SEPTIN10: variants seen among roughly 807,000 people sequenced by gnomAD.
SEPTIN10 encodes septin-10.
A neutral mutation model predicts 54.8 loss-of-function variants in SEPTIN10; 66 were observed. The observed-to-expected ratio is 1.21, with a 90% CI of 0.99 to 1.48. The LOEUF (loss-of-function observed/expected upper bound fraction) is 1.48, where lower values mean the gene tolerates loss of function less well. Among genes scored for constraint, SEPTIN10 ranks in the 40% most tolerant of loss-of-function variants. The pLI, the probability that SEPTIN10 is intolerant of heterozygous loss-of-function variation, is 0.00. For missense variants in SEPTIN10, 620 were observed against 545.6 expected (o/e 1.14, Z -1.36); for synonymous variants, 161 against 181.0 (o/e 0.89, Z 0.89).
intron 1 of SEPTIN10, among the ~76,000 whole-genome samples, chr2:109,612,803 A>G (rs1337969383): frequency 1.3e-5 from 2 of 152,222 alleles, no homozygotes; most frequent in Non-Finnish European, 2.9e-5. Context: ...ATAGAATGAA[A>G]AGAGACCTGG....
intron 4 of SEPTIN10, among the ~76,000 whole-genome samples, chr2:109,580,491 A>G (rs957949345): frequency 2.0e-5 from 3 of 152,180 alleles, no homozygotes; most frequent in African/African-American, 7.2e-5. Context: ...ACCACAACAA[A>G]GCAAGCATGG....
At chr2:109,572,183 T>G (rs1012252924) in intron 5 of SEPTIN10, among the ~76,000 whole-genome samples, 22 of 152,220 alleles carry the variant, frequency 1.4e-4, no homozygotes, top group African/African-American at 5.1e-4. Context: ...TAGGCTGGAG[T>G]GCAGTGGTGT....
chr2:109,599,728 T>C (rs1696196711), intron 1 of SEPTIN10, among the ~76,000 whole-genome samples: 2 of 152,186 alleles, frequency 1.3e-5, no homozygotes, highest in Admixed American at 6.5e-5. Context: ...TTGATAGCAG[T>C]TCATATAAAA....
At chr2:109,567,208 G>A (rs200584310) in intron 6 of SEPTIN10, among the ~76,000 whole-genome samples, 3 of 152,278 alleles carry the variant, frequency 2.0e-5, no homozygotes, top group East Asian at 3.9e-4. Context: ...GATATGTTAA[G>A]TCTCAGGGAG....
intron 2 of SEPTIN10, 114 bp from the exon 3 acceptor site, chr2:109,585,952 C>T: frequency 1.5e-6 from 1 of 688,540 alleles, no homozygotes; most frequent in Non-Finnish European, 2.5e-6. Flanking sequence ...TTTTTATAAT[C>T]ATTATACCTC....
intron 8 of SEPTIN10, among the ~76,000 whole-genome samples, chr2:109,561,971 TCAAGGCCAGGAATTCCTGACCC>T (rs139725275): frequency 0.064 from 9,758 of 151,996 alleles, 742 homozygotes; most frequent in East Asian, 0.24. Context: ...CCCCAGGAAT[TCAAGGCCAGGAATTCCTGACCC>T]CAAGGCCAGG....
chr2:109,606,384 C>T (rs1271769557), intron 1 of SEPTIN10, among the ~76,000 whole-genome samples: 1 of 151,992 alleles, frequency 6.6e-6, no homozygotes, highest in Non-Finnish European at 1.5e-5. Context: ...CACTGCATTC[C>T]AGTCTGGCGA....
At chr2:109,545,484 C>G (rs750079650) in intron 10 of SEPTIN10, 107 of 1,536,038 alleles carry the variant, frequency 7.0e-5, no homozygotes, top group Non-Finnish European at 9.0e-5. Flanking sequence ...TTACGTCCAC[C>G]ATTGGTTTCA....
At chr2:109,593,739 T>C (rs1002691333) in intron 1 of SEPTIN10, among the ~76,000 whole-genome samples, 2 of 152,114 alleles carry the variant, frequency 1.3e-5, no homozygotes, top group African/African-American at 4.8e-5. Context: ...AGCCAAGAAG[T>C]CCCTCAAAAT....
In SEPTIN10 at chr2:109,543,200, T is replaced by C. The variant is rs1434642769; in HGVS notation, c.*1109A>G. On this transcript the variant is annotated 3_prime_UTR_variant, in exon 11 of 11. Coordinates refer to ENST00000397712, the MANE Select transcript of SEPTIN10 (RefSeq NM_144710.5). ...TTTAATATTCAGATGTTCATAGTTA[T>C]TTTCTTAAAAAGTATTTTTAATAAA... 6.6e-6 allele frequency: 1 copy of C among 152,630 alleles called. No individual in the cohort carries two copies. Among genetic ancestry groups the C allele is most frequent in the Non-Finnish European group, 1.5e-5 (1 of 68,024 alleles). 9.5% of individuals were successfully genotyped at this position (152,630 alleles called of 1,614,324 possible).
rs372334419 is a variant in SEPTIN10, at chr2:109,553,227, G to C, written c.1029-8C>G. On this transcript the variant is annotated splice_region_variant and splice_polypyrimidine_tract_variant and intron_variant, in intron 8 of 10. Transcript: ENST00000397712. ...TCATAGGTCTCTTGAACACTAAAAA[G>C]TTATTTGTGTTACTCTCCTGCTAAA... The C allele has an allele frequency of 4.3e-6, 7 of 1,612,926 alleles. No individual in the cohort carries two copies. The highest frequency in any genetic ancestry group is 5.9e-6 in the Non-Finnish European group (7 of 1,179,710).
At chr2:109,574,257 C>T (rs1191647891) in intron 5 of SEPTIN10, among the ~76,000 whole-genome samples, 6 of 151,032 alleles carry the variant, frequency 4.0e-5, no homozygotes, top group African/African-American at 1.5e-4. Context: ...GGGCAACATA[C>T]CAAGACATCC....
intron 9 of SEPTIN10, among the ~76,000 whole-genome samples, chr2:109,548,774 T>G (rs1198913647): frequency 5.6e-5 from 1 of 17,932 alleles, no homozygotes; most frequent in Non-Finnish European, 1.3e-4. Context: ...AGGCTCCATC[T>G]CAAAAAAAAA....
chr2:109,569,632 T>C (rs1334007587), intron 5 of SEPTIN10, among the ~76,000 whole-genome samples: 2 of 152,166 alleles, frequency 1.3e-5, no homozygotes, highest in East Asian at 3.8e-4. Flanking sequence ...ACTTTCCTGT[T>C]AAATTAGTCA....
chr2:109,598,098 C>A (rs1403827292), intron 1 of SEPTIN10, among the ~76,000 whole-genome samples: 1 of 151,970 alleles, frequency 6.6e-6, no homozygotes, highest in Non-Finnish European at 1.5e-5. Flanking sequence ...GTCTTGCTCT[C>A]GTTGCCCAGG....
intron 4 of SEPTIN10, among the ~76,000 whole-genome samples, chr2:109,584,364 AC>A (rs1691945018): frequency 6.6e-6 from 1 of 150,548 alleles, no homozygotes. Context: ...AATCCTAGCT[AC>A]TCGGGAGGCT....
chr2:109,574,156 G>A (rs904833191), intron 5 of SEPTIN10, among the ~76,000 whole-genome samples: 1 of 151,798 alleles, frequency 6.6e-6, no homozygotes, highest in East Asian at 1.9e-4. Context: ...AGATTTCCAG[G>A]CGCTGGGCAT....
chr2:109,610,728 G>C (rs1204127594), intron 1 of SEPTIN10, among the ~76,000 whole-genome samples: 1 of 152,072 alleles, frequency 6.6e-6, no homozygotes, highest in Non-Finnish European at 1.5e-5. Flanking sequence ...AAAAAAAAGA[G>C]AGAAATGAAG....
Position 109,543,795 on chromosome 2 carries a change from T to C in SEPTIN10, c.*514A>G, listed in dbSNP as rs904338519. The C allele has an allele frequency of 1.5e-5, 3 of 198,562 alleles. No homozygotes were observed. Among genetic ancestry groups the C allele is most frequent in the African/African-American group, 7.1e-5 (3 of 42,246 alleles). The allele number at this position is 198,562 out of a possible 1,614,324, so 12.3% of individuals were successfully genotyped here. On this transcript the variant is annotated 3_prime_UTR_variant, in exon 11 of 11. Transcript: ENST00000397712. ...ACAACAGTGAATATATATGAATATA[T>C]AGGTACAAGCTGAGTATCCCTTATC...
Sources: allele counts gnomAD v4.1 joint callset (sites outside exome capture counted in the v4.1 genomes callset), GRCh38; gene constraint gnomAD v4.1.1; transcripts MANE v1.5; gene names NCBI Gene and HGNC (gene_info 2026-07-23, HGNC 2026-07-21).